The following USP15 variants were observed in gnomAD, a reference collection of about 807,000 sequenced individuals.
USP15 encodes ubiquitin carboxyl-terminal hydrolase 15.
Under a neutral mutation model 127.1 loss-of-function variants are expected in USP15, and 18 were observed. That is an observed-to-expected ratio of 0.14 (90% CI 0.10 to 0.21). USP15 has a LOEUF of 0.21. USP15 is among the 10% of genes least tolerant of loss of function. The probability of loss-of-function intolerance (pLI) is 1.00; values close to 1 mark genes in which losing one functional copy is unlikely to be tolerated. For synonymous variants in USP15, 364 were observed against 393.7 expected, an observed-to-expected ratio of 0.92 and a Z score of 0.89; for missense variants, 805 against 1,159.9, an observed-to-expected ratio of 0.69 and a Z score of 4.44.
Position 62,298,830 on chromosome 12 carries a change from CAA to C in USP15, c.218-3938_218-3937del, listed in dbSNP as rs1163091790. ...GGTGACAGAGTAAGACCCTGTCTTG[CAA>C]AAAAAAAAAAAAAAAAAAAAAGAAT... On this transcript the variant is annotated intron_variant, in intron 2 of 21. Coordinates refer to ENST00000280377, the MANE Select transcript of USP15 (RefSeq NM_001252078.2). 2.0e-3 allele frequency among the ~76,000 whole-genome samples: 129 copies of C among 65,054 alleles called. 1 individual carries two copies. The highest frequency in any genetic ancestry group is 2.6e-3 in the Non-Finnish European group (93 of 35,260). The allele number at this position is 65,054 out of a possible 152,430, so 42.7% of individuals were successfully genotyped here. A position where few individuals can be genotyped will look rare whatever the true frequency, so the allele number is the denominator to read the frequency against.
intron 2 of USP15, among the ~76,000 whole-genome samples, chr12:62,301,564 G>A (rs867475113): frequency 6.6e-6 from 1 of 151,974 alleles, no homozygotes; most frequent in African/African-American, 2.4e-5. Context: ...TAATTACATG[G>A]CATGAACAAA....
rs891088113 is a variant in USP15, at chr12:62,261,630, A to G, written c.89+1127A>G. 2.0e-5 allele frequency among the ~76,000 whole-genome samples: 3 copies of G among 152,210 alleles called. 1 individual carries two copies. On this transcript the variant is annotated intron_variant, in intron 1 of 21. Coordinates refer to ENST00000280377, the MANE Select transcript of USP15 (RefSeq NM_001252078.2). ...ATTATCTTCATGCTGTAAAATGGAC[A>G]GTAATTTTATTATAAGGATTTTATC...
chr12:62,331,269 T>C (rs952483397), intron 6 of USP15, among the ~76,000 whole-genome samples: 2 of 152,190 alleles, frequency 1.3e-5, no homozygotes, highest in African/African-American at 4.8e-5. Flanking sequence ...GAATCACTGG[T>C]AGAATTTATT....
intron 7 of USP15, among the ~76,000 whole-genome samples, chr12:62,353,264 T>TAA (rs1452107638): frequency 6.6e-6 from 1 of 152,042 alleles, no homozygotes; most frequent in Non-Finnish European, 1.5e-5. Flanking sequence ...TAGATTTTTT[T>TAA]AAAAACAAAA....
At chr12:62,271,220 A>G (rs1334616654) in intron 1 of USP15, among the ~76,000 whole-genome samples, 1 of 152,106 alleles carries the variant, frequency 6.6e-6, no homozygotes, top group Non-Finnish European at 1.5e-5. Context: ...GTCACATCAT[A>G]CCCTTTAAAT....
intron 8 of USP15, among the ~76,000 whole-genome samples, chr12:62,376,077 A>C (rs1472768548): frequency 6.6e-6 from 1 of 152,126 alleles, no homozygotes; most frequent in Non-Finnish European, 1.5e-5. Flanking sequence ...CCAACCAGTC[A>C]TTATATCATG....
At chr12:62,326,854 G>A (rs986129219) in intron 6 of USP15, among the ~76,000 whole-genome samples, 2 of 151,980 alleles carry the variant, frequency 1.3e-5, no homozygotes, top group South Asian at 2.1e-4. Flanking sequence ...AATGCCCTCC[G>A]GGTGCAGTGG....
Position 62,409,603 on chromosome 12 carries a change from T to C in USP15, c.*5228T>C, listed in dbSNP as rs1406234344. The C allele has an allele frequency of 2.0e-5, 3 of 152,180 alleles. No individual in the cohort carries two copies. The highest frequency in any genetic ancestry group is 4.4e-5 in the Non-Finnish European group (3 of 68,000). The allele number at this position is 152,180 out of a possible 1,614,324, so 9.4% of individuals were successfully genotyped here. A position where few individuals can be genotyped will look rare whatever the true frequency, so the allele number is the denominator to read the frequency against. ...CATGTCAGGAACTTGCAGCTTGTTC[T>C]ATATAGTTTGGTGAAACAAACAAAA... is the stretch of plus-strand genomic sequence containing the variant. On this transcript the variant is annotated 3_prime_UTR_variant, in exon 22 of 22. Coordinates refer to ENST00000280377, the MANE Select transcript of USP15 (RefSeq NM_001252078.2).
In USP15 at chr12:62,412,756, T is replaced by G. The variant is rs574213786; in HGVS notation, c.*8381T>G. On this transcript the variant is annotated 3_prime_UTR_variant, in exon 22 of 22. Transcript: ENST00000280377. ...CTCCACTTGTAGTTCTCTTGCTATT[T>G]TCACCGCATCTGCAGTTACTGCCGC... is the stretch of plus-strand genomic sequence containing the variant. 2.0e-5 allele frequency: 3 copies of G among 152,372 alleles called. No homozygotes were observed. The highest frequency in any genetic ancestry group is 7.2e-5 in the African/African-American group (3 of 41,582). The allele number at this position is 152,372 out of a possible 1,614,324, so 9.4% of individuals were successfully genotyped here.
intron 2 of USP15, among the ~76,000 whole-genome samples, chr12:62,295,179 G>T (rs559248806): frequency 3.9e-5 from 6 of 152,140 alleles, no homozygotes; most frequent in South Asian, 2.1e-4. Flanking sequence ...CTATTAAACC[G>T]CACTTTGCAT....
rs371775476 is a variant in USP15, at chr12:62,309,029, C to G, written c.349-5761C>G. ...AAATATTGGAAAAGAAAGTGAAAAT[C>G]TATTGTCTCAACAAGTTAAGGAAAT... is the stretch of plus-strand genomic sequence containing the variant. On this transcript the variant is annotated intron_variant, in intron 3 of 21. Transcript: ENST00000280377. 3.9e-5 allele frequency among the ~76,000 whole-genome samples: 6 copies of G among 152,180 alleles called. No homozygotes were observed. In the South Asian group the frequency reaches 6.2e-4, roughly 16 times the overall value.
chr12:62,359,727 C>T (rs1183635493), intron 8 of USP15, among the ~76,000 whole-genome samples: 2 of 151,992 alleles, frequency 1.3e-5, no homozygotes, highest in South Asian at 4.1e-4. Flanking sequence ...AATTTCTGAA[C>T]TATGCTAATT....
intron 5 of USP15, among the ~76,000 whole-genome samples, chr12:62,322,401 G>T (rs944270178): frequency 6.6e-6 from 1 of 152,098 alleles, no homozygotes; most frequent in Non-Finnish European, 1.5e-5. Context: ...CTCCCAAAGT[G>T]CTGGGATTAC....
At chr12:62,329,642 A>G (rs2065228989) in intron 6 of USP15, among the ~76,000 whole-genome samples, 1 of 152,246 alleles carries the variant, frequency 6.6e-6, no homozygotes, top group African/African-American at 2.4e-5. Context: ...AAAAGATACT[A>G]ACAGACAATT....
intron 15 of USP15, 55 bp downstream of exon 15, chr12:62,391,034 G>C: frequency 6.4e-7 from 1 of 1,553,746 alleles, no homozygotes; most frequent in Non-Finnish European, 8.7e-7. Context: ...TTGCCTCAGA[G>C]AAAAAGTTAA....
rs576122290 is a variant in USP15, at chr12:62,277,825, A to G, written c.90-16354A>G. ...GCCTCAGGTTGGACAAGCTTGGCCT[A>G]GTGCATTAATGTACACTGCTGTAAT... On this transcript the variant is annotated intron_variant, in intron 1 of 21. Transcript: ENST00000280377. Among the ~76,000 whole-genome samples the G allele has an allele frequency of 3.4e-4, 52 of 152,292 alleles. No homozygotes were observed. In the East Asian group the frequency reaches 9.3e-3, roughly 27 times the overall value.
chr12:62,356,935 A>G (rs1262837089), intron 8 of USP15, among the ~76,000 whole-genome samples: 4 of 152,010 alleles, frequency 2.6e-5, no homozygotes, highest in Non-Finnish European at 5.9e-5. Flanking sequence ...TTGTGTTTAT[A>G]CCAGTACTAG....
At chr12:62,318,468 G>A (rs2064896582) in intron 4 of USP15, among the ~76,000 whole-genome samples, 1 of 152,048 alleles carries the variant, frequency 6.6e-6, no homozygotes, top group Non-Finnish European at 1.5e-5. Flanking sequence ...GGCTTCCTGG[G>A]CACAGTTTCT....
intron 4 of USP15, among the ~76,000 whole-genome samples, chr12:62,317,118 G>C (rs1182515198): frequency 2.0e-5 from 3 of 152,048 alleles, no homozygotes; most frequent in Non-Finnish European, 4.4e-5. Context: ...TTTATTTCCT[G>C]GGTCACAATT....
Sources: gnomAD v4.1 joint callset for allele counts (sites outside exome capture counted in the v4.1 genomes callset) on GRCh38, gnomAD v4.1.1 for gene constraint, MANE v1.5 for transcripts, NCBI Gene and HGNC (gene_info 2026-07-23, HGNC 2026-07-21) for gene names.